FOXP1: variants seen among roughly 807,000 people sequenced by gnomAD.
FOXP1 encodes the protein forkhead box protein P1.
In FOXP1, 15 loss-of-function variants were observed where a neutral mutation model predicts 98.2. The ratio of observed to expected loss-of-function variants is 0.15; its 90% confidence interval spans 0.10 to 0.24. FOXP1 has a LOEUF of 0.24. Ranked by LOEUF, FOXP1 falls within the 10% of genes least tolerant of loss-of-function variation. FOXP1 has a pLI of 1.00. For synonymous variants in FOXP1, 371 were observed against 314.5 expected, an observed-to-expected ratio of 1.18 and a Z score of -1.90; for missense variants, 633 against 848.5, an observed-to-expected ratio of 0.75 and a Z score of 3.15.
intron 2 of FOXP1, among the ~76,000 whole-genome samples, chr3:71,556,627 T>C (rs1356801949): frequency 6.9e-6 from 1 of 144,538 alleles, no homozygotes; most frequent in African/African-American, 2.5e-5. Flanking sequence ...GTTTACTCAA[T>C]GTTGGCCAAA....
intron 4 of FOXP1, among the ~76,000 whole-genome samples, chr3:71,346,683 C>T (rs999064475): frequency 8.5e-5 from 13 of 152,088 alleles, no homozygotes; most frequent in African/African-American, 3.1e-4. Context: ...CCCAAGCAGA[C>T]TTCAGTTCTT....
At chr3:71,292,439 A>G (rs2072856210) in intron 5 of FOXP1, 1 of 151,932 alleles carries the variant, frequency 6.6e-6, no homozygotes, top group Admixed American at 6.6e-5. Context: ...AGTTCAAGCA[A>G]TTCTCTCACC....
intron 3 of FOXP1, among the ~76,000 whole-genome samples, chr3:71,455,289 C>T (rs907978861): frequency 6.6e-6 from 1 of 152,052 alleles, no homozygotes; most frequent in Non-Finnish European, 1.5e-5. Flanking sequence ...TACGTATAGA[C>T]AACTTCAAAC....
chr3:71,424,497 A>G (rs1447550169), intron 3 of FOXP1, among the ~76,000 whole-genome samples: 1 of 152,148 alleles, frequency 6.6e-6, no homozygotes, highest in Non-Finnish European at 1.5e-5. Flanking sequence ...TAAATTTGTG[A>G]TATTTCCACC....
At chr3:70,981,191 CAAAAAAA>C (rs71104406) in intron 14 of FOXP1, among the ~76,000 whole-genome samples, 25,137 of 59,168 alleles carry the variant, frequency 0.42, 2,835 homozygotes, top group East Asian at 0.49. Flanking sequence ...CTCTTTCTAC[CAAAAAAA>C]AAAAAAAAAA....
intron 14 of FOXP1, among the ~76,000 whole-genome samples, chr3:70,979,343 C>G (rs150079809): frequency 7.6e-6 from 1 of 131,148 alleles, no homozygotes. Context: ...TTAATGAGCA[C>G]TGTTTCAATT....
At chr3:71,233,968 T>C (rs368227958) in intron 5 of FOXP1, among the ~76,000 whole-genome samples, 1 of 152,252 alleles carries the variant, frequency 6.6e-6, no homozygotes, top group African/African-American at 2.4e-5. Context: ...TTGCCGTTAT[T>C]ATCTGGGGTG....
chr3:71,016,146 T>C (rs537833148), intron 11 of FOXP1, among the ~76,000 whole-genome samples: 2 of 152,286 alleles, frequency 1.3e-5, no homozygotes, highest in South Asian at 2.1e-4. Context: ...ATTAAATAAT[T>C]TGGAATAATA....
At chr3:71,329,623 C>G (rs994371583) in intron 4 of FOXP1, among the ~76,000 whole-genome samples, 2 of 149,510 alleles carry the variant, frequency 1.3e-5, no homozygotes, top group East Asian at 3.9e-4. Flanking sequence ...CCCTAAAGCA[C>G]TGGGAGAAAA....
chr3:71,107,510 T>G (rs1460492947), intron 7 of FOXP1, among the ~76,000 whole-genome samples: 1 of 152,170 alleles, frequency 6.6e-6, no homozygotes, highest in African/African-American at 2.4e-5. Context: ...AAAAGTCATG[T>G]GATAACAGTA....
chr3:71,480,873 G>A (rs1278131263), intron 3 of FOXP1, among the ~76,000 whole-genome samples: 1 of 152,160 alleles, frequency 6.6e-6, no homozygotes, highest in Non-Finnish European at 1.5e-5. Context: ...CTTTCCCAAG[G>A]ATAGAAATTC....
At chr3:71,432,452 C>A (rs1193474386) in intron 3 of FOXP1, among the ~76,000 whole-genome samples, 1 of 152,186 alleles carries the variant, frequency 6.6e-6, no homozygotes, top group Admixed American at 6.5e-5. Context: ...CTCCCGGGCC[C>A]TGGCCCAATG....
intron 4 of FOXP1, among the ~76,000 whole-genome samples, chr3:71,308,749 ATG>A (rs71104439): frequency 0.032 from 4,283 of 132,074 alleles, 136 homozygotes; most frequent in African/African-American, 0.096. Flanking sequence ...TTCTACCACA[ATG>A]TGTGTGTGTG....
chr3:71,431,618 T>C (rs1487377557), intron 3 of FOXP1, among the ~76,000 whole-genome samples: 2 of 152,184 alleles, frequency 1.3e-5, no homozygotes, highest in African/African-American at 4.8e-5. Flanking sequence ...CACAGCCCCA[T>C]TGCCTGGTTT....
intron 3 of FOXP1, among the ~76,000 whole-genome samples, chr3:71,375,368 C>G (rs916359027): frequency 1.3e-5 from 2 of 152,192 alleles, no homozygotes; most frequent in Non-Finnish European, 2.9e-5. Flanking sequence ...AGCTGGAATT[C>G]TGACAGACTA....
At chr3:71,304,960 A>T (rs2107589480) in intron 4 of FOXP1, among the ~76,000 whole-genome samples, 1 of 152,278 alleles carries the variant, frequency 6.6e-6, no homozygotes, top group Non-Finnish European at 1.5e-5. Context: ...ACCCTGAAAT[A>T]TCTTCACACA....
chr3:70,998,356 C>T (rs1022998783), intron 13 of FOXP1, among the ~76,000 whole-genome samples: 9 of 152,116 alleles, frequency 5.9e-5, no homozygotes, highest in African/African-American at 1.4e-4. Context: ...TCACCAGTCA[C>T]GAAATAATGT....
intron 4 of FOXP1, among the ~76,000 whole-genome samples, chr3:71,305,406 A>G (rs527663959): frequency 7.2e-5 from 11 of 152,242 alleles, no homozygotes; most frequent in Middle Eastern, 6.8e-3. Flanking sequence ...CTAGTGTGCT[A>G]TTAATATCAA....
chr3:71,022,951 G>C (rs1390250808), intron 11 of FOXP1, among the ~76,000 whole-genome samples: 5 of 152,242 alleles, frequency 3.3e-5, no homozygotes, highest in Non-Finnish European at 7.4e-5. Context: ...CTTCATCATG[G>C]CTGTGGAGCA....
Sources: allele counts gnomAD v4.1 joint callset (sites outside exome capture counted in the v4.1 genomes callset), GRCh38; gene constraint gnomAD v4.1.1; transcripts MANE v1.5; gene names NCBI Gene and HGNC (gene_info 2026-07-23, HGNC 2026-07-21).